The following PLGRKT variants were observed in gnomAD, a reference collection of about 807,000 sequenced individuals.
PLGRKT encodes plasminogen receptor (KT).
In PLGRKT, 22 loss-of-function variants were observed where a neutral mutation model predicts 18.5. The observed-to-expected ratio is 1.19, with a 90% confidence interval of 0.85 to 1.70. The LOEUF is 1.70. Ranked by LOEUF, PLGRKT falls within the 40% of genes most tolerant of loss-of-function variation. The probability of loss-of-function intolerance (pLI) is 0.00; values close to 1 mark genes in which losing one functional copy is unlikely to be tolerated. For missense variants in PLGRKT, 235 were observed against 174.4 expected, an observed-to-expected ratio of 1.35 and a Z score of -1.96; for synonymous variants, 72 against 52.8, an observed-to-expected ratio of 1.36 and a Z score of -1.58.
intron 3 of PLGRKT, among the ~76,000 whole-genome samples, chr9:5,406,632 A>G (rs999479371): frequency 6.6e-6 from 1 of 152,158 alleles, no homozygotes; most frequent in South Asian, 2.1e-4. Flanking sequence ...GGGGGAGAAC[A>G]TTAGGGAAAA....
At chr9:5,385,852 T>C (rs1817832745) in intron 3 of PLGRKT, among the ~76,000 whole-genome samples, 1 of 151,916 alleles carries the variant, frequency 6.6e-6, no homozygotes, top group Non-Finnish European at 1.5e-5. Context: ...GCAAAACCCT[T>C]GGAAGACAGA....
At position 5,418,259 on chromosome 9, in the gene PLGRKT, C is replaced by G. The variant is rs975947029; in HGVS notation, c.81+13638G>C. The G allele has an allele frequency of 1.7e-5, 7 of 420,612 alleles. No individual in the cohort carries two copies. The highest frequency in any genetic ancestry group is 1.4e-4 in the South Asian group (5 of 34,804). 26.1% of individuals were successfully genotyped at this position (420,612 alleles called of 1,614,324 possible). A position where few individuals can be genotyped will look rare whatever the true frequency, so the allele number is the denominator to read the frequency against. The stretch of plus-strand genomic sequence containing the variant: ...TCAAGAGGCAAACCAGAGGCCAGCT[C>G]TCAGCACCAAATGGTCAGTGTCGCC... On this transcript the variant is annotated intron_variant, in intron 3 of 5. Transcript: ENST00000223864. The surrounding 1 kb of genome is among the most constrained non-coding windows in gnomAD (Gnocchi z 4.2).
intron 3 of PLGRKT, among the ~76,000 whole-genome samples, chr9:5,424,622 ATAT>A (rs1318970275): frequency 8.4e-5 from 11 of 130,390 alleles, no homozygotes; most frequent in African/African-American, 1.5e-4. Context: ...TTATTATATT[ATAT>A]TATATTAATA....
intron 3 of PLGRKT, among the ~76,000 whole-genome samples, chr9:5,395,346 C>T (rs760206781): frequency 1.3e-5 from 2 of 151,792 alleles, no homozygotes; most frequent in African/African-American, 4.9e-5. Context: ...TAGTGTGAGG[C>T]ATGATATTAG....
rs181154812 is a variant in PLGRKT at position 5,403,583 on chromosome 9, A to G, written c.81+28314T>C. Among the ~76,000 whole-genome samples the G allele has an allele frequency of 3.7e-4, 57 of 152,386 alleles. No homozygotes were observed. The East Asian group carries it at 0.011, about 29-fold the overall frequency. ...GTGATTCATACTTCACAGTAAGGAT[A>G]AAGGCAACGATAAGATTGTTCTACT... On this transcript the variant is annotated intron_variant, in intron 3 of 5. Coordinates refer to ENST00000223864, the MANE Select transcript of PLGRKT (RefSeq NM_018465.4).
Position 5,418,694 on chromosome 9 carries a change from C to A in PLGRKT, c.81+13203G>T. On this transcript the variant is annotated intron_variant, in intron 3 of 5. Coordinates refer to ENST00000223864, the MANE Select transcript of PLGRKT (RefSeq NM_018465.4). This position sits in a 1 kb window ranked among gnomAD's most constrained non-coding sequence, Gnocchi z 4.2. ...AGGGGCAGCATGTAGCACCCACTGC[C>A]GGGAAGTCTGATGAAGACCGGCATG... 1.5e-6 allele frequency: 1 copy of A among 662,342 alleles called. No individual in the cohort carries two copies. 41.0% of individuals were successfully genotyped at this position (662,342 alleles called of 1,614,324 possible).
chr9:5,377,099 A>T (rs894677685), intron 3 of PLGRKT, among the ~76,000 whole-genome samples: 1 of 152,212 alleles, frequency 6.6e-6, no homozygotes, highest in Non-Finnish European at 1.5e-5. Context: ...GTGGATAAGG[A>T]GGTAATGAAA....
At chr9:5,385,716 C>G (rs1394647216) in intron 3 of PLGRKT, among the ~76,000 whole-genome samples, 1 of 151,770 alleles carries the variant, frequency 6.6e-6, no homozygotes, top group African/African-American at 2.4e-5. Context: ...GAAAGGAAAG[C>G]AGCCAAAATT....
At chr9:5,400,137 G>T (rs142076601) in intron 3 of PLGRKT, among the ~76,000 whole-genome samples, 2,500 of 151,858 alleles carry the variant, frequency 0.016, 132 homozygotes, top group African/African-American at 0.058. Flanking sequence ...AAAGTGCAGG[G>T]TCTACAGCTG....
intron 3 of PLGRKT, among the ~76,000 whole-genome samples, chr9:5,407,941 C>T (rs749598654): frequency 6.6e-6 from 1 of 152,118 alleles, no homozygotes; most frequent in Non-Finnish European, 1.5e-5. Context: ...TTTTCAAGTA[C>T]TACTACAAAG....
intron 3 of PLGRKT, among the ~76,000 whole-genome samples, chr9:5,430,512 T>C (rs1818801994): frequency 6.6e-6 from 1 of 152,194 alleles, no homozygotes; most frequent in Admixed American, 6.5e-5. Context: ...CAGCAACAAA[T>C]ATTTATGAGG....
intron 3 of PLGRKT, among the ~76,000 whole-genome samples, chr9:5,411,794 T>C (rs1043960584): frequency 6.6e-6 from 1 of 152,246 alleles, no homozygotes; most frequent in East Asian, 1.9e-4. Flanking sequence ...CTACAGTTTA[T>C]TTATAAGCTT....
At chr9:5,436,827 GT>G (rs1211915671) in intron 1 of PLGRKT, 133 bp from the exon 2 acceptor site, 1 of 152,190 alleles carries the variant, frequency 6.6e-6, no homozygotes, top group Non-Finnish European at 1.5e-5. Context: ...TCCGTAGGGT[GT>G]CCAGAACACT....
At chr9:5,426,190 T>C (rs1316390148) in intron 3 of PLGRKT, among the ~76,000 whole-genome samples, 2 of 152,164 alleles carry the variant, frequency 1.3e-5, no homozygotes, top group African/African-American at 4.8e-5. Context: ...GTTCACTCAA[T>C]ACATAGGGAG....
intron 3 of PLGRKT, among the ~76,000 whole-genome samples, chr9:5,388,280 A>G (rs937246832): frequency 2.6e-5 from 4 of 151,990 alleles, no homozygotes; most frequent in Middle Eastern, 3.4e-3. Flanking sequence ...TTTCCCAGGA[A>G]CAACTGAGGA....
At chr9:5,390,648 T>A (rs1817933892) in intron 3 of PLGRKT, among the ~76,000 whole-genome samples, 1 of 151,866 alleles carries the variant, frequency 6.6e-6, no homozygotes, top group African/African-American at 2.4e-5. Flanking sequence ...CAGGTAATCA[T>A]TGCCTGATCT....
chr9:5,424,943 T>G (rs1386940361), intron 3 of PLGRKT, among the ~76,000 whole-genome samples: 3 of 152,014 alleles, frequency 2.0e-5, no homozygotes. Flanking sequence ...CTGTATTTTT[T>G]GGTTTATAGC....
At chr9:5,361,247 T>C in intron 4 of PLGRKT, 60 bp from the exon 5 acceptor site, 2 of 916,358 alleles carry the variant, frequency 2.2e-6, no homozygotes, top group South Asian at 3.0e-5. Flanking sequence ...TACATATCTG[T>C]ATACTTAAAG....
At chr9:5,372,469 C>G (rs1251870587) in intron 3 of PLGRKT, among the ~76,000 whole-genome samples, 2 of 152,162 alleles carry the variant, frequency 1.3e-5, no homozygotes, top group African/African-American at 4.8e-5. Flanking sequence ...TTCAGGGTAT[C>G]TGGCAATTAC....
Sources: allele counts gnomAD v4.1 joint callset (sites outside exome capture counted in the v4.1 genomes callset), GRCh38; gene constraint gnomAD v4.1.1; non-coding constraint Gnocchi (gnomAD v3.1); transcripts MANE v1.5; gene names NCBI Gene and HGNC (gene_info 2026-07-23, HGNC 2026-07-21).